Variants in GLB1 observed in about 807,000 individuals in gnomAD.
GLB1 encodes beta-galactosidase.
GLB1 carries 56 observed loss-of-function variants against 74.0 expected under a neutral mutation model. The observed-to-expected ratio is 0.76, with a 90% CI of 0.61 to 0.94. GLB1 has a LOEUF of 0.94. Ranked by LOEUF, GLB1 falls within the 40% of genes least tolerant of loss-of-function variation. GLB1 has a pLI of 0.00. For synonymous variants in GLB1, 323 were observed against 323.6 expected (o/e 1.00, Z 0.02); for missense variants, 787 against 845.5 (o/e 0.93, Z 0.86).
At chr3:33,072,738 T>C (rs760557304) in intron 1 of GLB1, 25 bp from the exon 2 acceptor site, 3 of 1,613,648 alleles carry the variant, frequency 1.9e-6, no homozygotes, top group South Asian at 1.1e-5. Flanking sequence ...TGGGGTCACA[T>C]GAGAACTTCC....
rs1447666464 is a variant in GLB1 at position 33,075,786 on chromosome 3, T to C, written c.76-3073A>G. ...AATCATCTACGCAAGCTTTTAAAAA[T>C]AGCAAAGTTCTTTGGGAGGCCAAGG... On this transcript the variant is annotated intron_variant, in intron 1 of 15. Transcript: ENST00000307363. 3.3e-5 allele frequency among the ~76,000 whole-genome samples: 5 copies of C among 151,928 alleles called. No individual in the cohort carries two copies. In the East Asian group the frequency reaches 5.8e-4, roughly 18 times the overall value.
chr3:33,066,724 G>A (rs1036520140), intron 4 of GLB1, among the ~76,000 whole-genome samples: 17 of 152,104 alleles, frequency 1.1e-4, no homozygotes, highest in South Asian at 6.2e-4. Flanking sequence ...CTTTTTTTCC[G>A]TATAAAATGA....
In GLB1 at chr3:33,074,381, G is replaced by GAAAGAAAGAAAGAAAGAAAGAAAGAAAGA. The variant is rs1559412918; in HGVS notation, c.76-1669_76-1668insTCTTTCTTTCTTTCTTTCTTTCTTTCTTT. On this transcript the variant is annotated intron_variant, in intron 1 of 15. Transcript: ENST00000307363. Reference sequence around the variant, plus strand: ...GGAAGGAAGGAAGGAAGGAAGGAAGGAAGGAAGGAAGAAAGAAAGAAAGAA... The same window carrying GAAAGAAAGAAAGAAAGAAAGAAAGAAAGA: ...GGAAGGAAGGAAGGAAGGAAGGAAGGAAAGAAAGAAAGAAAGAAAGAAAGAAAGAAAGGAAGGAAGAAAGAAAGAAAGAA... 2.4e-3 allele frequency among the ~76,000 whole-genome samples: 23 copies of GAAAGAAAGAAAGAAAGAAAGAAAGAAAGA among 9,500 alleles called. 3 individuals are homozygous for GAAAGAAAGAAAGAAAGAAAGAAAGAAAGA. Among genetic ancestry groups the GAAAGAAAGAAAGAAAGAAAGAAAGAAAGA allele is most frequent in the Non-Finnish European group, 3.4e-3 (11 of 3,242 alleles). The allele number at this position is 9,500 out of a possible 152,430, so 6.2% of individuals were successfully genotyped here.
intron 10 of GLB1, chr3:33,034,577 G>A (rs1698191396): frequency 1.4e-6 from 1 of 720,880 alleles, no homozygotes; most frequent in Non-Finnish European, 2.6e-6. Flanking sequence ...CTGGACCTGT[G>A]ATGATGCCTT....
intron 6 of GLB1, among the ~76,000 whole-genome samples, chr3:33,056,055 C>T (rs147076558): frequency 0.052 from 7,929 of 151,278 alleles, 314 homozygotes; most frequent in African/African-American, 0.11. Context: ...TGGTGAAACC[C>T]TGTCTCTACT....
At chr3:33,045,527 T>C in intron 10 of GLB1, 1 of 988,426 alleles carries the variant, frequency 1.0e-6, no homozygotes, top group Non-Finnish European at 1.2e-6. Flanking sequence ...CTCTTGCAAA[T>C]AAGGACGGAG....
chr3:33,021,227 G>C, intron 12 of GLB1: 1 of 346,974 alleles, frequency 2.9e-6, no homozygotes, highest in African/African-American at 2.1e-5. Flanking sequence ...TGTCTGTTTT[G>C]AGTATTAAAA....
intron 15 of GLB1, among the ~76,000 whole-genome samples, chr3:33,008,991 T>C (rs1696898791): frequency 6.6e-6 from 1 of 151,914 alleles, no homozygotes; most frequent in South Asian, 2.1e-4. Context: ...TGGTGGTGCA[T>C]GCCTGTAATC....
At chr3:33,038,250 T>C (rs965267602) in intron 10 of GLB1, among the ~76,000 whole-genome samples, 27 of 152,170 alleles carry the variant, frequency 1.8e-4, no homozygotes, top group Non-Finnish European at 2.5e-4. Context: ...AACACGGAAA[T>C]TGTAAGACTG....
intron 10 of GLB1, among the ~76,000 whole-genome samples, chr3:33,031,070 G>C (rs1466787682): frequency 6.6e-6 from 1 of 152,164 alleles, no homozygotes; most frequent in Non-Finnish European, 1.5e-5. Flanking sequence ...ACAACCGCCT[G>C]GGGGCCTTCA....
rs748209486 is a variant in GLB1, at chr3:33,077,179, G to A, written c.76-4466C>T. 1.4e-5 allele frequency: 21 copies of A among 1,471,160 alleles called. No individual in the cohort carries two copies. The Middle Eastern group carries it at 7.2e-4, about 50-fold the overall frequency. The allele number at this position is 1,471,160 out of a possible 1,614,324, so 91.1% of individuals were successfully genotyped here. ...AGTCTTGGTACCTCTTTTGTGAAGC[G>A]GCAGCTGAGACTTAGGCGCTTGCCG... On this transcript the variant is annotated intron_variant, in intron 1 of 15. Coordinates refer to ENST00000307363, the MANE Select transcript of GLB1 (RefSeq NM_000404.4).
At chr3:32,973,712 A>G in the GLB1 span, among the ~76,000 whole-genome samples, 1 of 152,130 alleles carries the variant, frequency 6.6e-6, no homozygotes, top group African/African-American at 2.4e-5. Context: ...AACCTAATAT[A>G]AATTTATCAA....
At chr3:33,049,478 A>G (rs58957787) in intron 9 of GLB1, among the ~76,000 whole-genome samples, 12,285 of 152,126 alleles carry the variant, frequency 0.081, 1,147 homozygotes, top group East Asian at 0.48. Context: ...GTGCAATGGC[A>G]CGATCTCAGC....
the GLB1 span, among the ~76,000 whole-genome samples, chr3:32,961,337 G>A: frequency 6.6e-6 from 1 of 152,226 alleles, no homozygotes; most frequent in African/African-American, 2.4e-5. Flanking sequence ...GTGGGAAAGG[G>A]TGAAGTGCAG....
chr3:33,070,191 T>C (rs1699841242), intron 2 of GLB1, among the ~76,000 whole-genome samples: 1 of 152,230 alleles, frequency 6.6e-6, no homozygotes, highest in Non-Finnish European at 1.5e-5. Flanking sequence ...ACATTTTCTT[T>C]ATCCAGTTAA....
the GLB1 span, among the ~76,000 whole-genome samples, chr3:32,975,328 TC>T: frequency 6.6e-6 from 1 of 152,086 alleles, no homozygotes; most frequent in African/African-American, 2.4e-5. Context: ...CAAATGATCC[TC>T]CCACCTTGAC....
chr3:33,053,348 T>A (rs1177954334), intron 7 of GLB1, 143 bp downstream of exon 7: 7 of 1,158,944 alleles, frequency 6.0e-6, no homozygotes, highest in Non-Finnish European at 2.5e-6. Flanking sequence ...GTCATTCACA[T>A]GTCCAGAATG....
intron 15 of GLB1, among the ~76,000 whole-genome samples, chr3:33,012,658 T>C (rs1697075568): frequency 6.6e-6 from 1 of 152,142 alleles, no homozygotes; most frequent in South Asian, 2.1e-4. Flanking sequence ...TCAAACACAA[T>C]TGGTCTAAAT....
At chr3:33,000,822 T>G (rs1024246632) in intron 15 of GLB1, among the ~76,000 whole-genome samples, 1 of 152,180 alleles carries the variant, frequency 6.6e-6, no homozygotes, top group Non-Finnish European at 1.5e-5. Flanking sequence ...GAGATCCTAG[T>G]GACTTCATTA....
Sources: allele counts gnomAD v4.1 joint callset (sites outside exome capture counted in the v4.1 genomes callset), GRCh38; gene constraint gnomAD v4.1.1; transcripts MANE v1.5; gene names NCBI Gene and HGNC (gene_info 2026-07-23, HGNC 2026-07-21).